Variants in TBC1D22A observed in about 807,000 individuals in gnomAD.
TBC1D22A encodes TBC1 domain family member 22A, also known as putative GTPase activator.
A neutral mutation model predicts 60.2 loss-of-function variants in TBC1D22A; 38 were observed. The observed-to-expected ratio is 0.63, with a 90% CI of 0.49 to 0.83. The LOEUF is 0.83. Ranked by LOEUF, TBC1D22A falls within the 40% of genes least tolerant of loss-of-function variation. The pLI is 0.00. For missense variants in TBC1D22A, 628 were observed against 701.0 expected (o/e 0.90, Z 1.18); for synonymous variants, 302 against 281.7 (o/e 1.07, Z -0.72).
At chr22:47,077,881 A>G (rs1054748672) in intron 11 of TBC1D22A, among the ~76,000 whole-genome samples, 5 of 152,186 alleles carry the variant, frequency 3.3e-5, no homozygotes, top group African/African-American at 1.2e-4. Context: ...TGAAAAGGTT[A>G]AAAGGATTTG....
At chr22:46,780,534 C>T (rs1239929268) in intron 1 of TBC1D22A, among the ~76,000 whole-genome samples, 1 of 152,214 alleles carries the variant, frequency 6.6e-6, no homozygotes, top group Non-Finnish European at 1.5e-5. Flanking sequence ...AAACATTCTG[C>T]AGGATCTGCC....
intron 6 of TBC1D22A, among the ~76,000 whole-genome samples, chr22:46,892,029 T>C (rs1232745268): frequency 1.3e-5 from 2 of 152,248 alleles, no homozygotes; most frequent in Non-Finnish European, 2.9e-5. Context: ...AATTGATTTA[T>C]GATTCACAGT....
At chr22:46,840,768 C>T (rs987957121) in intron 4 of TBC1D22A, among the ~76,000 whole-genome samples, 4 of 151,774 alleles carry the variant, frequency 2.6e-5, no homozygotes, top group South Asian at 4.2e-4. Context: ...AACAAGCATT[C>T]GTGAGAATTT....
chr22:46,909,196 T>C (rs983590617), intron 7 of TBC1D22A, among the ~76,000 whole-genome samples: 8 of 152,034 alleles, frequency 5.3e-5, no homozygotes, highest in African/African-American at 1.9e-4. Context: ...TGTGTGTTTG[T>C]GTGTGTGTGT....
At chr22:47,169,194 T>C (rs191777265) in intron 12 of TBC1D22A, among the ~76,000 whole-genome samples, 76 of 152,308 alleles carry the variant, frequency 5.0e-4, no homozygotes, top group African/African-American at 1.8e-3. Flanking sequence ...TGGTGGTGTG[T>C]GAGTCAGGGC....
At chr22:46,832,039 T>C (rs2086330777) in intron 4 of TBC1D22A, among the ~76,000 whole-genome samples, 1 of 152,204 alleles carries the variant, frequency 6.6e-6, no homozygotes, top group Non-Finnish European at 1.5e-5. Flanking sequence ...GGCAAGTCAG[T>C]ATTTCTCTTA....
At chr22:47,065,627 G>A (rs2063731416) in intron 11 of TBC1D22A, among the ~76,000 whole-genome samples, 1 of 152,272 alleles carries the variant, frequency 6.6e-6, no homozygotes, top group Non-Finnish European at 1.5e-5. Context: ...GGACTTAGCA[G>A]GCCTCGGAGT....
intron 7 of TBC1D22A, among the ~76,000 whole-genome samples, chr22:46,908,234 G>A (rs1249404461): frequency 6.6e-6 from 1 of 152,220 alleles, no homozygotes; most frequent in Non-Finnish European, 1.5e-5. Flanking sequence ...GCTTGTGGCA[G>A]TGGAGTCGGG....
At chr22:46,774,570 G>GC (rs1386254445) in intron 1 of TBC1D22A, among the ~76,000 whole-genome samples, 2 of 152,188 alleles carry the variant, frequency 1.3e-5, no homozygotes, top group East Asian at 3.8e-4. Context: ...ACTGATGGCA[G>GC]CCCCCCGGGG....
At chr22:47,020,656 C>G (rs1434192043) in intron 10 of TBC1D22A, among the ~76,000 whole-genome samples, 1 of 151,822 alleles carries the variant, frequency 6.6e-6, no homozygotes, top group Non-Finnish European at 1.5e-5. Flanking sequence ...AAGGAGAGTG[C>G]AGTGCAGTCG....
intron 8 of TBC1D22A, among the ~76,000 whole-genome samples, chr22:46,967,696 A>G (rs1334491810): frequency 1.3e-5 from 2 of 152,206 alleles, no homozygotes; most frequent in Non-Finnish European, 2.9e-5. Context: ...CCCTTTCCCC[A>G]GTACCAAGCT....
At chr22:46,819,601 T>G (rs1479526544) in intron 4 of TBC1D22A, among the ~76,000 whole-genome samples, 1 of 152,240 alleles carries the variant, frequency 6.6e-6, no homozygotes. Flanking sequence ...CTGATCATGG[T>G]GGATAAGCTT....
chr22:47,040,953 G>A (rs1225645595), intron 11 of TBC1D22A, among the ~76,000 whole-genome samples: 1 of 152,090 alleles, frequency 6.6e-6, no homozygotes, highest in Non-Finnish European at 1.5e-5. Flanking sequence ...TCAGGGCTGC[G>A]GGTACACCTG....
intron 11 of TBC1D22A, among the ~76,000 whole-genome samples, chr22:47,083,733 A>G (rs919251362): frequency 3.9e-5 from 6 of 152,166 alleles, no homozygotes; most frequent in African/African-American, 1.4e-4. Flanking sequence ...AGTAAGAACC[A>G]TCCCACACAC....
At position 47,132,021 on chromosome 22, in the gene TBC1D22A, T is replaced by C. The variant is rs2066695412; in HGVS notation, c.1425+20418T>C. On this transcript the variant is annotated intron_variant, in intron 12 of 12. Coordinates refer to ENST00000337137, the MANE Select transcript of TBC1D22A (RefSeq NM_014346.5). ...AAACTTTGGTCAAGTACGGTAATGG[T>C]GGCATGGCAAGGGTGCAGTGTGCGG... Among the ~76,000 whole-genome samples the C allele has an allele frequency of 2.6e-5, 4 of 152,176 alleles. No homozygotes were observed. In the South Asian group the frequency reaches 8.3e-4, roughly 32 times the overall value.
intron 12 of TBC1D22A, among the ~76,000 whole-genome samples, chr22:47,150,447 C>T (rs1250415002): frequency 6.6e-6 from 1 of 152,214 alleles, no homozygotes; most frequent in Non-Finnish European, 1.5e-5. Flanking sequence ...CATCTCTGCT[C>T]CAGGAGTGTC....
intron 12 of TBC1D22A, among the ~76,000 whole-genome samples, chr22:47,144,576 C>T (rs192735352): frequency 1.3e-5 from 2 of 152,238 alleles, no homozygotes; most frequent in African/African-American, 4.8e-5. Context: ...TACGCGCATG[C>T]ACTTAGGGCA....
chr22:47,086,962 C>T (rs2064720499), intron 11 of TBC1D22A, among the ~76,000 whole-genome samples: 1 of 152,230 alleles, frequency 6.6e-6, no homozygotes, highest in Non-Finnish European at 1.5e-5. Context: ...GTGAAACTGG[C>T]TGAATAAGCT....
At position 46,943,443 on chromosome 22, in the gene TBC1D22A, G is replaced by A. The variant is rs16996030; in HGVS notation, c.1016-30847G>A. Among the ~76,000 whole-genome samples the A allele has an allele frequency of 3.8e-3, 578 of 152,322 alleles. 5 individuals are homozygous for A. The highest frequency in any genetic ancestry group is 0.013 in the African/African-American group (536 of 41,570). On this transcript the variant is annotated intron_variant, in intron 8 of 12. Coordinates refer to ENST00000337137, the MANE Select transcript of TBC1D22A (RefSeq NM_014346.5). ...TGTTTTAGCTGGTGAGGCTTTAAAC[G>A]TTCAACCTTGAAGGCTGTAAGCACA...
Sources: allele counts gnomAD v4.1 joint callset (sites outside exome capture counted in the v4.1 genomes callset), GRCh38; gene constraint gnomAD v4.1.1; transcripts MANE v1.5; gene names NCBI Gene and HGNC (gene_info 2026-07-23, HGNC 2026-07-21).